IGSF1: variants seen among roughly 807,000 people sequenced by gnomAD.
The protein encoded by IGSF1 is immunoglobulin superfamily member 1, also known as immunoglobulin-like domain-containing protein 1.
Under a neutral mutation model 95.3 loss-of-function variants are expected in IGSF1, and 40 were observed. The ratio of observed to expected loss-of-function variants is 0.42; its 90% CI spans 0.33 to 0.55. IGSF1 has a LOEUF of 0.55. Ranked by LOEUF, IGSF1 falls within the 20% of genes least tolerant of loss-of-function variation. IGSF1 has a pLI of 0.10. For missense variants in IGSF1, 906 were observed against 1,025.4 expected (o/e 0.88, Z 1.59); for synonymous variants, 372 against 382.9 (o/e 0.97, Z 0.33).
chrX:131,283,281 C>A lies in IGSF1; in HGVS notation c.668-17G>T. ...GGTAGAGTCCTACAAACGGAAGAGA[C>A]CCTAAAGTTAGAGGCAAGATGATTC... is the stretch of plus-strand genomic sequence containing the variant. On this transcript the variant is annotated splice_polypyrimidine_tract_variant and intron_variant, in intron 5 of 19. Transcript: ENST00000361420. 8.6e-7 allele frequency: 1 copy of A among 1,165,470 alleles called. No individual in the cohort carries two copies. The highest frequency in any genetic ancestry group is 2.9e-4 in the Middle Eastern group (1 of 3,424).
intron 14 of IGSF1, among the ~76,000 whole-genome samples, chrX:131,276,606 A>G (rs2080477987): frequency 9.0e-6 from 1 of 111,322 alleles, no homozygotes; most frequent in South Asian, 3.9e-4. Context: ...CAGCTAGAGA[A>G]AAAGTGGACA....
chrX:131,279,370 A>T (rs1168987388), intron 9 of IGSF1, 29 bp from the exon 10 acceptor site: 1 of 1,157,709 alleles, frequency 8.6e-7, no homozygotes. Context: ...AGATGAGAGG[A>T]GTTGCTGGGA....
At chrX:131,284,157 C>G (rs1237617519) in intron 5 of IGSF1, 1 of 622,217 alleles carries the variant, frequency 1.6e-6, no homozygotes, top group Non-Finnish European at 1.9e-6. Flanking sequence ...AAAAGCTATA[C>G]TAACAAAATT....
rs753669090 is a variant in IGSF1 at position 131,275,589 on chromosome X, T to C, written c.3073A>G (p.Ile1025Val). ...ATGCTAGTACCAGATATATTGGTGA[T>C]GGGGAATGCCCCGTCATTACTGGTG... The part of the protein sequence containing the change: ...GSTSNDGAFP[I>V]TNISGTSMGR... Residue 1025 changes from isoleucine (I) to valine (V), a missense_variant, in exon 16 of 20, where the codon ATC becomes GTC. Physicochemically the swap from Ile to Val is conservative, Grantham distance 29. This residue lies in a region of IGSF1 where 411 missense variants were observed against 494.9 expected (regional missense o/e 0.83). Transcript: ENST00000361420. The C allele has an allele frequency of 3.3e-6, 4 of 1,210,241 alleles. No homozygotes were observed. The South Asian group carries it at 5.3e-5, about 16-fold the overall frequency.
At chrX:131,286,374 G>A in intron 3 of IGSF1, 63 bp downstream of exon 3, 2 of 982,241 alleles carry the variant, frequency 2.0e-6, no homozygotes, top group Non-Finnish European at 2.9e-6. Context: ...CAAGGTCATG[G>A]AGACACGCCA....
Position 131,285,794 on chromosome X carries a change from T to C in IGSF1, c.352A>G (p.Ser118Gly). Residue 118 changes from serine (S) to glycine (G), a missense_variant, in exon 4 of 20, where the codon AGT (serine) becomes GGT (glycine). Around this residue, in one of 5 missense-constraint regions of IGSF1, gnomAD observed 442 missense variants for 448.1 expected, o/e 0.99. Transcript: ENST00000361420. ...YWKETGWSKPSKVLELEAPGQ... is the reference protein window; with the variant it reads ...YWKETGWSKPGKVLELEAPGQ... Reference sequence around the variant, plus strand: ...GGTGCCTCCAACTCTAGAACTTTACTGGGCTTTGACCAGCCTGTCTCCTTC... The same window carrying C: ...GGTGCCTCCAACTCTAGAACTTTACCGGGCTTTGACCAGCCTGTCTCCTTC... The C allele has an allele frequency of 8.3e-7, 1 of 1,210,851 alleles. No homozygotes were observed. The highest frequency in any genetic ancestry group is 1.1e-6 in the Non-Finnish European group (1 of 894,837).
chrX:131,284,484 C>T, intron 5 of IGSF1: 1 of 749,109 alleles, frequency 1.3e-6, no homozygotes, highest in African/African-American at 2.3e-5. Flanking sequence ...CACAGCTTTC[C>T]CCAAGCCTAT....
In IGSF1 at chrX:131,279,295, T is replaced by G; in HGVS notation, c.1693A>C (p.Ile565Leu). The change falls in exon 10 of 20, where the codon ATA becomes CTA. Residue 565 changes from isoleucine to leucine, a missense_variant. Physicochemically the swap from Ile to Leu is conservative, Grantham distance 5. Around this residue, in one of 5 missense-constraint regions of IGSF1, gnomAD observed 442 missense variants for 448.1 expected, o/e 0.99. Transcript: ENST00000361420. ...CCACAGCAGAGAAGGGCCGTGACTA[T>G]GAAGAGCATGGTGACCCCTTGAGCT... ...GTAQGVTMLFIVTALLCCGLC... is the reference protein window; with the variant it reads ...GTAQGVTMLFLVTALLCCGLC... 8.3e-7 allele frequency: 1 copy of G among 1,210,949 alleles called. No individual in the cohort carries two copies. The highest frequency in any genetic ancestry group is 1.1e-6 in the Non-Finnish European group (1 of 895,157).
intron 6 of IGSF1, 51 bp downstream of exon 6, chrX:131,282,929 A>C (rs753307051): frequency 9.4e-7 from 1 of 1,068,714 alleles, no homozygotes; most frequent in South Asian, 2.0e-5. Flanking sequence ...ACAGAGGGAG[A>C]TTTATATCCT....
At chrX:131,278,366 G>C in intron 12 of IGSF1, 95 bp downstream of exon 12, 3 of 880,004 alleles carry the variant, frequency 3.4e-6, no homozygotes, top group Non-Finnish European at 4.8e-6. Context: ...TTGGGCTCCA[G>C]GGTCCCTGTG....
At position 131,277,996 on chromosome X, in the gene IGSF1, C is replaced by T; in HGVS notation, c.2180G>A (p.Gly727Asp). 2 of 1,209,799 alleles carry T rather than the reference C, an allele frequency of 1.7e-6. No homozygotes were observed. The highest frequency in any genetic ancestry group is 1.1e-6 in the Non-Finnish European group (1 of 895,021). Residue 727 changes from glycine to aspartate, a missense_variant, in exon 13 of 20, where the codon GGT (glycine) becomes GAT (aspartate). Gly to Asp is a moderately conservative substitution (Grantham distance 94, BLOSUM62 -1). Transcript: ENST00000361420. The part of the protein sequence containing the change: ...EGEQEPVQQL[G>D]AVGREAFFTI... ...AAAGAAGGCTTCTCTTCCAACAGCA[C>T]CAAGTTGCTGGACAGGTTCTTGCTC...
rs183061676 is a variant in IGSF1, at chrX:131,276,130, C to T, written c.2727G>A (p.Glu909=). 6.3e-5 allele frequency: 76 copies of T among 1,209,500 alleles called. No homozygotes were observed. Among genetic ancestry groups the T allele is most frequent in the Admixed American group, 1.1e-4 (5 of 45,648 alleles). ...FQGMRFALLQ[E]GAHVPLQFRS... is the part of the protein sequence containing the mutation. ...GAAACTGTAAGGGAACATGGGCTCC[C>T]TCCTGCAAGAGGGCGAACCTCATGC... Residue 909 remains glutamate (E), a synonymous_variant, in exon 15 of 20, where the codon GAG becomes GAA. Transcript: ENST00000361420.
chrX:131,285,537 C>T (rs1603405952), intron 4 of IGSF1, 71 bp from the exon 5 acceptor site: 1 of 1,059,858 alleles, frequency 9.4e-7, no homozygotes, highest in Non-Finnish European at 1.3e-6. Context: ...CAGAGGAGAG[C>T]TCTACTTTAA....
At chrX:131,287,540 T>G (rs2080660905) in intron 1 of IGSF1, among the ~76,000 whole-genome samples, 1 of 111,411 alleles carries the variant, frequency 9.0e-6, no homozygotes, top group African/African-American at 3.3e-5. Context: ...AAGCATGTGT[T>G]AGAAAATCAA....
intron 9 of IGSF1, among the ~76,000 whole-genome samples, chrX:131,280,406 A>T (rs2080539766): frequency 2.7e-5 from 3 of 111,521 alleles, no homozygotes; most frequent in Admixed American, 9.5e-5. Context: ...CACACTGACC[A>T]CAGTTGCAGG....
At chrX:131,274,244 A>G (rs1471101079) in intron 18 of IGSF1, 38 bp from the exon 19 acceptor site, 1 of 1,206,862 alleles carries the variant, frequency 8.3e-7, no homozygotes, top group Non-Finnish European at 1.1e-6. Context: ...GGCCATGGAG[A>G]TTAGCGTGTG....
rs781166601 is a variant in IGSF1, at chrX:131,277,129, C to T, written c.2418G>A (p.Met806Ile). ...TTCCATCTTTGTAAAGAATAAAGCT[C>T]ATATGCTGGTGGGGGGTGGAGCAAT... ...TFNCSTPHQH[M>I]SFILYKDGSE... is the part of the protein sequence containing the mutation. Residue 806 changes from methionine to isoleucine, a missense_variant, in exon 14 of 20, where the codon ATG (methionine) becomes ATA (isoleucine). Physicochemically the swap from Met to Ile is conservative, Grantham distance 10. Coordinates refer to ENST00000361420, the MANE Select transcript of IGSF1 (RefSeq NM_001555.5). 2.5e-6 allele frequency: 3 copies of T among 1,209,385 alleles called. No individual in the cohort carries two copies. Among genetic ancestry groups the T allele is most frequent in the South Asian group, 1.8e-5 (1 of 56,748 alleles).
In IGSF1 at chrX:131,277,198, T is replaced by C. The variant is rs887942207; in HGVS notation, c.2349A>G (p.Thr783=). 4 of 1,205,848 alleles carry C rather than the reference T, an allele frequency of 3.3e-6. No homozygotes were observed. The highest frequency in any genetic ancestry group is 3.4e-6 in the Non-Finnish European group (3 of 893,363). The change falls in exon 14 of 20, where the codon ACA becomes ACG. Residue 783 remains threonine, a synonymous_variant. Coordinates refer to ENST00000361420, the MANE Select transcript of IGSF1 (RefSeq NM_001555.5). The part of the protein sequence containing the change: ...KEMYPKPFFK[T]WASPVVTPGA... ...CAGGGGTGACCACAGGGCTGGCCCA[T>C]GTCTTGAAGAAGGGCTTAGGGTACA...
Position 131,286,467 on chromosome X carries a change from A to C in IGSF1, c.71-4T>G. 1 of 1,204,440 alleles carries C rather than the reference A, an allele frequency of 8.3e-7. No individual in the cohort carries two copies. The highest frequency in any genetic ancestry group is 1.1e-6 in the Non-Finnish European group (1 of 888,762). On this transcript the variant is annotated splice_region_variant and splice_polypyrimidine_tract_variant and intron_variant, in intron 2 of 19. Transcript: ENST00000361420. ...GATGTCATACCCAGACTCATCCCTG[A>C]AAAGAGAGATTATGGTAAAGGAGAG...
Sources: gnomAD v4.1 joint callset for allele counts (sites outside exome capture counted in the v4.1 genomes callset) on GRCh38, gnomAD v4.1.1 for gene constraint, gnomAD v4.1.1 regional missense constraint, MANE v1.5 for transcripts, NCBI Gene and HGNC (gene_info 2026-07-23, HGNC 2026-07-21) for gene names.